ERICH1: variants seen among roughly 807,000 people sequenced by gnomAD.
ERICH1 encodes glutamate rich 1.
In ERICH1, 56 loss-of-function variants were observed where a neutral mutation model predicts 39.6. The ratio of observed to expected loss-of-function variants is 1.41; its 90% CI spans 1.14 to 1.77. ERICH1 has a LOEUF of 1.77. ERICH1 is among the 40% of genes most tolerant of loss of function. The probability of loss-of-function intolerance (pLI) is 0.00; values close to 1 mark genes in which losing one functional copy is unlikely to be tolerated. For missense variants in ERICH1, 826 were observed against 575.4 expected, an observed-to-expected ratio of 1.44 and a Z score of -4.45; for synonymous variants, 313 against 223.6, an observed-to-expected ratio of 1.40 and a Z score of -3.57.
chr8:683,846 A>C (rs1372487374), intron 3 of ERICH1, among the ~76,000 whole-genome samples: 2 of 152,202 alleles, frequency 1.3e-5, no homozygotes, highest in Non-Finnish European at 2.9e-5. Flanking sequence ...ATACTTACTA[A>C]ACATGTGGCC....
Position 704,728 on chromosome 8 carries a change from A to G in ERICH1, c.169+11133T>C, listed in dbSNP as rs116136634. Among the ~76,000 whole-genome samples the G allele has an allele frequency of 5.7e-3, 874 of 152,298 alleles. 9 individuals are homozygous for G. The highest frequency in any genetic ancestry group is 0.02 in the African/African-American group (818 of 41,554). ...AATCCTTAGTTTCCAAAGTCAATAC[A>G]TAAGATTTAATCCCTTCCCTCCCTG... On this transcript the variant is annotated intron_variant, in intron 2 of 5. Transcript: ENST00000262109.
At position 719,684 on chromosome 8, in the gene ERICH1, C is replaced by T. The variant is rs935341765; in HGVS notation, c.23-3677G>A. ...TGTGGGCTCCTCAGTGGCTTTCCTT[C>T]CTCACTCCTTCCATGTTTATCACGT... is the stretch of plus-strand genomic sequence containing the variant. On this transcript the variant is annotated intron_variant, in intron 1 of 5. Coordinates refer to ENST00000262109, the MANE Select transcript of ERICH1 (RefSeq NM_207332.3). 3.3e-5 allele frequency among the ~76,000 whole-genome samples: 5 copies of T among 152,346 alleles called. No individual in the cohort carries two copies. In the South Asian group the frequency reaches 8.3e-4, roughly 25 times the overall value.
intron 1 of ERICH1, among the ~76,000 whole-genome samples, chr8:724,659 C>T (rs1313703209): frequency 6.6e-6 from 1 of 152,196 alleles, no homozygotes; most frequent in African/African-American, 2.4e-5. Context: ...CAGGAGACAC[C>T]AGATAAACTA....
At chr8:726,965 G>A (rs58663628) in intron 1 of ERICH1, among the ~76,000 whole-genome samples, 3 of 125,846 alleles carry the variant, frequency 2.4e-5, no homozygotes, top group African/African-American at 9.2e-5. Context: ...ACATACACAT[G>A]CACACACGTA....
At chr8:634,567 G>A (rs1021716613) in intron 3 of ERICH1, among the ~76,000 whole-genome samples, 5 of 152,216 alleles carry the variant, frequency 3.3e-5, no homozygotes, top group African/African-American at 9.6e-5. Flanking sequence ...AGGTTTGCTT[G>A]CGGCTCACTC....
intron 3 of ERICH1, among the ~76,000 whole-genome samples, chr8:625,474 G>A (rs537385997): frequency 5.3e-5 from 8 of 152,276 alleles, no homozygotes; most frequent in African/African-American, 1.7e-4. Flanking sequence ...CTGAGGGTAC[G>A]GGGTCTGGGT....
intron 2 of ERICH1, among the ~76,000 whole-genome samples, chr8:712,011 C>T (rs981910198): frequency 6.6e-6 from 1 of 152,188 alleles, no homozygotes; most frequent in African/African-American, 2.4e-5. Flanking sequence ...TGTGTCTACT[C>T]TTTTGCCAAA....
In ERICH1 at chr8:620,261, G is replaced by A. The variant is rs539344368; in HGVS notation, c.977-4977C>T. On this transcript the variant is annotated intron_variant, in intron 3 of 3. Coordinates refer to the ERICH1 transcript ENST00000522706. ...CAGGAGGCGGAGGTTGTAGTGAGCC[G>A]AGATTGTGCCACTGCACTCCAGCCT... 9.8e-5 allele frequency among the ~76,000 whole-genome samples: 15 copies of A among 152,288 alleles called. No homozygotes were observed. The South Asian group carries it at 1.2e-3, about 13-fold the overall frequency.
At chr8:622,249 C>T (rs1797328747) in intron 3 of ERICH1, among the ~76,000 whole-genome samples, 1 of 151,960 alleles carries the variant, frequency 6.6e-6, no homozygotes, top group African/African-American at 2.4e-5. Context: ...TAAATAAATT[C>T]CTTGCTATGG....
At chr8:663,250 C>T (rs1801701641), downstream of ERICH1, among the ~76,000 whole-genome samples, 1 of 152,208 alleles carries the variant, frequency 6.6e-6, no homozygotes, top group African/African-American at 2.4e-5. Flanking sequence ...CTTCCTTCCC[C>T]TCCCTCCATG....
At chr8:680,992 C>G (rs1805991960) in intron 3 of ERICH1, among the ~76,000 whole-genome samples, 1 of 152,202 alleles carries the variant, frequency 6.6e-6, no homozygotes, top group South Asian at 2.1e-4. Context: ...TGATAGTGGT[C>G]TCAGGGTCAT....
chr8:728,521 C>G (rs985410110), intron 1 of ERICH1, among the ~76,000 whole-genome samples: 1 of 152,212 alleles, frequency 6.6e-6, no homozygotes. Flanking sequence ...ACTGCAACCC[C>G]ACTCCAGGCT....
At chr8:643,531 G>A (rs1318228725) in intron 3 of ERICH1, among the ~76,000 whole-genome samples, 20 of 150,956 alleles carry the variant, frequency 1.3e-4, no homozygotes, top group Non-Finnish European at 1.5e-5. Context: ...CCGAAGCCCC[G>A]CCCCTCCTGC....
intron 2 of ERICH1, among the ~76,000 whole-genome samples, chr8:697,690 C>G (rs994295482): frequency 2.0e-4 from 31 of 152,228 alleles, no homozygotes; most frequent in African/African-American, 5.5e-4. Flanking sequence ...CCACACAGCC[C>G]CCGCCCCCGC....
In ERICH1 at chr8:627,942, C is replaced by CAG. The variant is rs1554479584; in HGVS notation, c.977-12659_977-12658insCT. On this transcript the variant is annotated intron_variant, in intron 3 of 3. Coordinates refer to the ERICH1 transcript ENST00000522706. ...GAGGCCCAGCAGAGAACACAGGGGC[C>CAG]GGGGGGGCCTGGAACGTGCTGAGAC... Among the ~76,000 whole-genome samples the CAG allele has an allele frequency of 2.0e-5, 3 of 152,184 alleles. No individual in the cohort carries two copies. The South Asian group carries it at 6.2e-4, about 32-fold the overall frequency.
chr8:635,824 C>T (rs555587283), intron 3 of ERICH1, among the ~76,000 whole-genome samples: 41 of 152,324 alleles, frequency 2.7e-4, no homozygotes, highest in African/African-American at 4.1e-4. Flanking sequence ...ACAGCAGGGA[C>T]GGTTGGCTCA....
chr8:657,346 G>C (rs1170561295), intron 3 of ERICH1, among the ~76,000 whole-genome samples: 1 of 151,988 alleles, frequency 6.6e-6, no homozygotes, highest in Non-Finnish European at 1.5e-5. Context: ...GTGGAGGAGA[G>C]TCTTATTGCA....
chr8:652,271 G>C (rs777945880), intron 3 of ERICH1, among the ~76,000 whole-genome samples: 2 of 152,238 alleles, frequency 1.3e-5, no homozygotes, highest in Non-Finnish European at 2.9e-5. Flanking sequence ...GTGATGGAGG[G>C]AGAAGCTGTT....
intron 3 of ERICH1, among the ~76,000 whole-genome samples, chr8:654,455 C>G (rs749147093): frequency 6.6e-6 from 1 of 152,092 alleles, no homozygotes; most frequent in Non-Finnish European, 1.5e-5. Flanking sequence ...GTTTCCTGAT[C>G]TGGGTGTGGG....
Sources: gnomAD v4.1 joint callset for allele counts (sites outside exome capture counted in the v4.1 genomes callset) on GRCh38, gnomAD v4.1.1 for gene constraint, MANE v1.5 for transcripts, NCBI Gene and HGNC (gene_info 2026-07-23, HGNC 2026-07-21) for gene names.